PDE1C: variants seen among roughly 807,000 people sequenced by gnomAD.
The protein encoded by PDE1C is dual specificity calcium/calmodulin-dependent 3',5'-cyclic nucleotide phosphodiesterase 1C.
Under a neutral mutation model 93.1 loss-of-function variants are expected in PDE1C, and 62 were observed. The ratio of observed to expected loss-of-function variants is 0.67; its 90% CI spans 0.54 to 0.82. PDE1C has a LOEUF of 0.82. PDE1C is among the 40% of genes least tolerant of loss of function. PDE1C has a pLI of 0.00. For synonymous variants in PDE1C, 325 were observed against 310.1 expected (o/e 1.05, Z -0.50); for missense variants, 742 against 884.6 (o/e 0.84, Z 2.04).
At chr7:31,825,833 G>A (rs1052217173) in intron 12 of PDE1C, among the ~76,000 whole-genome samples, 1 of 152,080 alleles carries the variant, frequency 6.6e-6, no homozygotes, top group Non-Finnish European at 1.5e-5. Context: ...GGGAAAACAG[G>A]AAATAGAAGG....
the PDE1C span, among the ~76,000 whole-genome samples, chr7:31,697,317 T>G: frequency 6.6e-6 from 1 of 152,072 alleles, no homozygotes; most frequent in Non-Finnish European, 1.5e-5. Context: ...GATGTGGGGA[T>G]GGGAAAGGGT....
intron 1 of PDE1C, among the ~76,000 whole-genome samples, chr7:32,056,189 G>T (rs553727102): frequency 1.4e-4 from 22 of 152,084 alleles, no homozygotes; most frequent in African/African-American, 5.1e-4. Context: ...GGCAGGGTGG[G>T]AGATGGAGAG....
intron 17 of PDE1C, among the ~76,000 whole-genome samples, chr7:31,757,645 C>G (rs1031127353): frequency 3.3e-5 from 5 of 152,274 alleles, no homozygotes; most frequent in Middle Eastern, 3.4e-3. Context: ...AGTCAGGAAA[C>G]AACAGGTGCT....
chr7:31,965,250 G>C (rs1809731810), intron 2 of PDE1C, among the ~76,000 whole-genome samples: 1 of 152,190 alleles, frequency 6.6e-6, no homozygotes, highest in African/African-American at 2.4e-5. Context: ...AACCAATGCA[G>C]AGAAGTCCTT....
At chr7:32,390,444 T>A (rs991326290) in intron 1 of PDE1C, among the ~76,000 whole-genome samples, 1 of 150,670 alleles carries the variant, frequency 6.6e-6, no homozygotes, top group African/African-American at 2.5e-5. Flanking sequence ...TACTAAACAC[T>A]CTACAATGCA....
intron 1 of PDE1C, among the ~76,000 whole-genome samples, chr7:32,327,875 A>G (rs1783436147): frequency 6.6e-6 from 1 of 151,038 alleles, no homozygotes; most frequent in Non-Finnish European, 1.5e-5. Flanking sequence ...TTGTTTGCAC[A>G]TAGACATAGT....
chr7:32,220,824 AC>A (rs1342888877), intron 1 of PDE1C, among the ~76,000 whole-genome samples: 1 of 152,162 alleles, frequency 6.6e-6, no homozygotes, highest in Non-Finnish European at 1.5e-5. Context: ...TCTCAAAAAA[AC>A]AAAAACAAAA....
chr7:32,307,343 CA>C (rs1320025152), intron 1 of PDE1C, among the ~76,000 whole-genome samples: 2 of 152,030 alleles, frequency 1.3e-5, no homozygotes, highest in Non-Finnish European at 2.9e-5. Flanking sequence ...TCTAGCTGGC[CA>C]GGGGAGGAAG....
At chr7:32,114,334 T>C (rs1434978718) in intron 3 of PDE1C, among the ~76,000 whole-genome samples, 1 of 152,200 alleles carries the variant, frequency 6.6e-6, no homozygotes, top group Non-Finnish European at 1.5e-5. Flanking sequence ...TACAACCATC[T>C]GATCTTTGAC....
At chr7:31,754,979 A>C (rs73311170) in intron 17 of PDE1C, among the ~76,000 whole-genome samples, 123 of 152,360 alleles carry the variant, frequency 8.1e-4, no homozygotes, top group African/African-American at 2.9e-3. Context: ...TGTAGGAAAC[A>C]ACCTCACTGA....
At chr7:32,191,745 T>C (rs554680853) in intron 2 of PDE1C, among the ~76,000 whole-genome samples, 46 of 152,330 alleles carry the variant, frequency 3.0e-4, no homozygotes, top group African/African-American at 7.2e-4. Flanking sequence ...AACAGTGCAA[T>C]TGCTGGTCGT....
At chr7:32,334,857 G>A (rs1295254654) in intron 1 of PDE1C, among the ~76,000 whole-genome samples, 1 of 151,972 alleles carries the variant, frequency 6.6e-6, no homozygotes. Flanking sequence ...ATAGGATTGT[G>A]GGAGATATGC....
chr7:31,662,535 T>TGTGTATGTGTCTGTGTTGTATAA, the PDE1C span, among the ~76,000 whole-genome samples: 2 of 152,104 alleles, frequency 1.3e-5, no homozygotes, highest in African/African-American at 2.4e-5. Context: ...TGTCTAAGTG[T>TGTGTATGTGTCTGTGTTGTATAA]GTGTATGTGT....
chr7:32,402,545 G>A (rs1784969386), intron 1 of PDE1C, among the ~76,000 whole-genome samples: 1 of 152,088 alleles, frequency 6.6e-6, no homozygotes, highest in Admixed American at 6.5e-5. Context: ...ACTGGACGAT[G>A]CCCACCCACA....
chr7:32,417,056 T>C (rs1043729142), intron 1 of PDE1C, among the ~76,000 whole-genome samples: 2 of 152,126 alleles, frequency 1.3e-5, no homozygotes, highest in African/African-American at 2.4e-5. Context: ...TGCTTTTAAA[T>C]GCTGCCACCT....
intron 9 of PDE1C, among the ~76,000 whole-genome samples, chr7:31,839,590 A>T (rs762413439): frequency 2.0e-5 from 3 of 152,216 alleles, no homozygotes; most frequent in Non-Finnish European, 4.4e-5. Flanking sequence ...GCTAACGGAC[A>T]TTCAAGTTAT....
At chr7:32,302,999 G>T (rs1019102155), upstream of PDE1C, among the ~76,000 whole-genome samples, 1 of 152,174 alleles carries the variant, frequency 6.6e-6, no homozygotes, top group Non-Finnish European at 1.5e-5. Context: ...ATCATTGGCT[G>T]CAGGCAATGA....
the PDE1C span, among the ~76,000 whole-genome samples, chr7:31,635,568 T>C: frequency 6.6e-6 from 1 of 152,222 alleles, no homozygotes; most frequent in Non-Finnish European, 1.5e-5. Flanking sequence ...AACAGTTATA[T>C]CACAAGTATA....
At chr7:31,775,618 C>T (rs1415420375) in intron 17 of PDE1C, 46 bp downstream of exon 17, 2 of 1,520,050 alleles carry the variant, frequency 1.3e-6, no homozygotes, top group Admixed American at 3.4e-5. Flanking sequence ...CAGGCCTTTC[C>T]ATTGTCTGTG....
Sources: allele counts gnomAD v4.1 joint callset (sites outside exome capture counted in the v4.1 genomes callset), GRCh38; gene constraint gnomAD v4.1.1; transcripts MANE v1.5; gene names NCBI Gene and HGNC (gene_info 2026-07-23, HGNC 2026-07-21).